Variants in HIBADH observed in about 807,000 individuals in gnomAD.
The protein encoded by HIBADH is 3-hydroxyisobutyrate dehydrogenase.
Under a neutral mutation model 36.1 loss-of-function variants are expected in HIBADH, and 25 were observed. That is an observed-to-expected ratio of 0.69 (90% CI 0.50 to 0.97). The LOEUF is 0.97. Ranked by LOEUF, HIBADH falls within the 50% of genes least tolerant of loss-of-function variation. HIBADH has a pLI of 0.00. For missense variants in HIBADH, 421 were observed against 418.0 expected (o/e 1.01, Z -0.06); for synonymous variants, 160 against 149.5 (o/e 1.07, Z -0.51).
At chr7:27,586,615 T>TGAAGGGGAAGGGGAAGGG (rs112490146) in intron 4 of HIBADH, among the ~76,000 whole-genome samples, 1 of 150,238 alleles carries the variant, frequency 6.7e-6, no homozygotes, top group Non-Finnish European at 1.5e-5. Context: ...TGACCAGAAA[T>TGAAGGGGAAGGGGAAGGG]GAAGGGGAAG....
At chr7:27,566,363 T>A (rs1038077308) in intron 4 of HIBADH, among the ~76,000 whole-genome samples, 1 of 151,832 alleles carries the variant, frequency 6.6e-6, no homozygotes, top group Non-Finnish European at 1.5e-5. Context: ...TTTTTAGTAG[T>A]TTGTGGCTCT....
intron 4 of HIBADH, among the ~76,000 whole-genome samples, chr7:27,550,979 TCACCA>T (rs1414876797): frequency 1.3e-5 from 2 of 151,596 alleles, no homozygotes; most frequent in Admixed American, 6.6e-5. Context: ...TTAAGTAACT[TCACCA>T]CACCACACCA....
chr7:27,661,314 T>C (rs1195045732), intron 1 of HIBADH, among the ~76,000 whole-genome samples: 1 of 152,144 alleles, frequency 6.6e-6, no homozygotes, highest in Non-Finnish European at 1.5e-5. Flanking sequence ...GTTCTTACAA[T>C]TCCTGGCCAG....
At chr7:27,594,380 T>C (rs1784995235) in intron 4 of HIBADH, among the ~76,000 whole-genome samples, 1 of 152,096 alleles carries the variant, frequency 6.6e-6, no homozygotes, top group Non-Finnish European at 1.5e-5. Context: ...TGACCTCAGG[T>C]GATCCACCCG....
At chr7:27,536,705 T>G (rs985289376) in intron 6 of HIBADH, among the ~76,000 whole-genome samples, 1 of 152,130 alleles carries the variant, frequency 6.6e-6, no homozygotes, top group Non-Finnish European at 1.5e-5. Context: ...AAACTTCATT[T>G]TAGAAGGTCA....
At chr7:27,579,692 T>C (rs981559508) in intron 4 of HIBADH, among the ~76,000 whole-genome samples, 16 of 152,248 alleles carry the variant, frequency 1.1e-4, no homozygotes, top group Non-Finnish European at 1.5e-5. Context: ...GAGTTTGCCC[T>C]GGCAATAGCT....
At chr7:27,577,079 T>C (rs1467471180) in intron 4 of HIBADH, among the ~76,000 whole-genome samples, 1 of 125,602 alleles carries the variant, frequency 8.0e-6, no homozygotes, top group Non-Finnish European at 2.0e-5. Context: ...CTCTTAAATT[T>C]TTCTTAAAGA....
chr7:27,555,323 T>TTA (rs1554295722), intron 4 of HIBADH, among the ~76,000 whole-genome samples: 1 of 142,250 alleles, frequency 7.0e-6, no homozygotes, highest in Non-Finnish European at 1.6e-5. Flanking sequence ...TTTTTTTTTT[T>TTA]AAATAAAGAC....
chr7:27,526,331 G>A lies in HIBADH; in HGVS notation c.894C>T (p.Ser298=). 3 of 1,613,142 alleles carry A rather than the reference G, an allele frequency of 1.9e-6. No individual in the cohort carries two copies. The Admixed American group carries it at 5.0e-5, about 27-fold the overall frequency. ...GGGCCAGACTGCCAAGAAGGATTGGGCTCTTTGTGCTGGTAGCAGAGTCTT... is the reference window on the plus strand; with the variant it reads ...GGGCCAGACTGCCAAGAAGGATTGGACTCTTTGTGCTGGTAGCAGAGTCTT... ...LAQDSATSTK[S]PILLGSLAHQ... is the part of the protein sequence containing the mutation. Residue 298 remains serine (S), a synonymous_variant, in exon 8 of 8, where the codon AGC becomes AGT. Coordinates refer to ENST00000265395, the MANE Select transcript of HIBADH (RefSeq NM_152740.4).
intron 2 of HIBADH, among the ~76,000 whole-genome samples, chr7:27,633,304 T>C (rs1385889007): frequency 2.0e-5 from 3 of 152,166 alleles, no homozygotes; most frequent in Non-Finnish European, 2.9e-5. Context: ...GCCAGCCAAC[T>C]GGCAACCAAA....
intron 4 of HIBADH, among the ~76,000 whole-genome samples, chr7:27,593,177 C>A (rs1377438292): frequency 6.6e-6 from 1 of 152,310 alleles, no homozygotes; most frequent in Non-Finnish European, 1.5e-5. Context: ...AATCTGAAAT[C>A]CGAAATGCTC....
chr7:27,544,660 A>C (rs566777992), intron 4 of HIBADH, among the ~76,000 whole-genome samples: 1 of 152,308 alleles, frequency 6.6e-6, no homozygotes, highest in East Asian at 1.9e-4. Context: ...AATCCTGTTG[A>C]TCTCACCTAG....
intron 6 of HIBADH, among the ~76,000 whole-genome samples, chr7:27,535,874 A>C (rs1314938127): frequency 6.6e-6 from 1 of 152,132 alleles, no homozygotes; most frequent in Non-Finnish European, 1.5e-5. Context: ...TTTTTTAAAA[A>C]AGGGGAACAG....
chr7:27,528,481 G>A (rs959822571), intron 7 of HIBADH, among the ~76,000 whole-genome samples: 2 of 152,118 alleles, frequency 1.3e-5, no homozygotes, highest in East Asian at 1.9e-4. Context: ...TAAGTGAAAC[G>A]GCCTTACTGC....
chr7:27,639,674 C>G (rs1388948294), intron 2 of HIBADH, among the ~76,000 whole-genome samples: 1 of 151,964 alleles, frequency 6.6e-6, no homozygotes, highest in African/African-American at 2.4e-5. Flanking sequence ...CATCATTCTG[C>G]CCAACTTATT....
chr7:27,616,433 T>G (rs1251278778), intron 4 of HIBADH, among the ~76,000 whole-genome samples: 1 of 152,178 alleles, frequency 6.6e-6, no homozygotes, highest in East Asian at 1.9e-4. Flanking sequence ...AGGCCCAGGC[T>G]AATGTGTGTG....
chr7:27,631,833 T>G (rs757891959), intron 3 of HIBADH, among the ~76,000 whole-genome samples: 10 of 152,204 alleles, frequency 6.6e-5, no homozygotes, highest in Non-Finnish European at 1.5e-4. Context: ...ACCTCTGACA[T>G]AAATGGGTTA....
intron 4 of HIBADH, among the ~76,000 whole-genome samples, chr7:27,616,367 A>G (rs1268566686): frequency 6.6e-6 from 1 of 152,214 alleles, no homozygotes; most frequent in Non-Finnish European, 1.5e-5. Context: ...GAGGGCTCAT[A>G]TATCCAAACC....
intron 4 of HIBADH, among the ~76,000 whole-genome samples, chr7:27,578,422 T>G (rs1384722307): frequency 6.6e-6 from 1 of 152,092 alleles, no homozygotes; most frequent in Non-Finnish European, 1.5e-5. Flanking sequence ...TTCAAGCAAT[T>G]CTCATGCCTC....
Sources: allele counts gnomAD v4.1 joint callset (sites outside exome capture counted in the v4.1 genomes callset), GRCh38; gene constraint gnomAD v4.1.1; transcripts MANE v1.5; gene names NCBI Gene and HGNC (gene_info 2026-07-23, HGNC 2026-07-21).